Variants in FSIP1 observed in about 807,000 individuals in gnomAD.
FSIP1 encodes the protein fibrous sheath-interacting protein 1.
In FSIP1, 65 loss-of-function variants were observed where a neutral mutation model predicts 60.9. The ratio of observed to expected loss-of-function variants is 1.07; its 90% CI spans 0.87 to 1.31. The LOEUF (loss-of-function observed/expected upper bound fraction) is 1.31, where lower values mean the gene tolerates loss of function less well. Among genes scored for constraint, FSIP1 ranks in the 40% most tolerant of loss-of-function variants. The probability of loss-of-function intolerance (pLI) is 0.00; values close to 1 mark genes in which losing one functional copy is unlikely to be tolerated. For missense variants in FSIP1, 675 were observed against 665.5 expected, an observed-to-expected ratio of 1.01 and a Z score of -0.16; for synonymous variants, 209 against 221.2, an observed-to-expected ratio of 0.94 and a Z score of 0.49.
At chr15:39,740,348 G>A (rs1260171847) in intron 6 of FSIP1, among the ~76,000 whole-genome samples, 1 of 152,090 alleles carries the variant, frequency 6.6e-6, no homozygotes, top group African/African-American at 2.4e-5. Flanking sequence ...TCAACCTTTT[G>A]GAAGAGGCTT....
At chr15:39,658,251 A>ATTTTTTTTTTTTTTTTTT (rs71132110) in intron 10 of FSIP1, among the ~76,000 whole-genome samples, 1 of 105,290 alleles carries the variant, frequency 9.5e-6, no homozygotes, top group Non-Finnish European at 2.1e-5. Flanking sequence ...AGCAGACATG[A>ATTTTTTTTTTTTTTTTTT]TTTTTTTTTT....
intron 5 of FSIP1, among the ~76,000 whole-genome samples, chr15:39,758,749 G>A (rs1264897004): frequency 3.9e-5 from 6 of 151,998 alleles, no homozygotes; most frequent in Non-Finnish European, 8.8e-5. Context: ...AAATAGGTTT[G>A]AGAAAACCAT....
chr15:39,727,332 C>T (rs1204584454), intron 8 of FSIP1, among the ~76,000 whole-genome samples: 1 of 152,166 alleles, frequency 6.6e-6, no homozygotes, highest in Admixed American at 6.5e-5. Flanking sequence ...GTTCTGCCCT[C>T]GAGGAGTTCT....
rs190446938 is a variant in FSIP1, at chr15:39,757,775, A to T, written c.559+6046T>A. 7.0e-4 allele frequency among the ~76,000 whole-genome samples: 106 copies of T among 152,256 alleles called. 2 individuals carry two copies. Among genetic ancestry groups the T allele is most frequent in the African/African-American group, 2.5e-3 (103 of 41,558 alleles). On this transcript the variant is annotated intron_variant, in intron 5 of 11. Coordinates refer to ENST00000350221, the MANE Select transcript of FSIP1 (RefSeq NM_152597.5). The stretch of plus-strand genomic sequence containing the variant: ...ATAATGTTACCTCTTCATTTTGGTG[A>T]ACTGGTCAAGTGTGAACTAATTAAG...
intron 10 of FSIP1, among the ~76,000 whole-genome samples, chr15:39,632,718 G>A (rs1334129087): frequency 6.6e-6 from 1 of 152,090 alleles, no homozygotes; most frequent in East Asian, 1.9e-4. Flanking sequence ...GCTTGAACCA[G>A]GGAGTCAGAG....
In FSIP1 at chr15:39,762,143, C is replaced by T. The variant is rs557584343; in HGVS notation, c.559+1678G>A. On this transcript the variant is annotated intron_variant, in intron 5 of 11. Transcript: ENST00000350221. The stretch of plus-strand genomic sequence containing the variant: ...TGAAACTGTTGAACAGTCAGTGTAT[C>T]GGTTTCCTAGGGCTGCTATAACAAT... Among the ~76,000 whole-genome samples the T allele has an allele frequency of 3.3e-5, 5 of 152,280 alleles. No homozygotes were observed. In the East Asian group the frequency reaches 7.7e-4, roughly 24 times the overall value.
intron 3 of FSIP1, among the ~76,000 whole-genome samples, chr15:39,766,401 ATAGAG>A: frequency 6.6e-6 from 1 of 152,380 alleles, no homozygotes; most frequent in East Asian, 1.9e-4. Flanking sequence ...ACTAACATTT[ATAGAG>A]TTACCTGATA....
chr15:39,663,919 G>T (rs1488315167), intron 10 of FSIP1, among the ~76,000 whole-genome samples: 4 of 152,126 alleles, frequency 2.6e-5, no homozygotes, highest in African/African-American at 9.7e-5. Context: ...ACAAAGCATT[G>T]CTCCAAGGTA....
chr15:39,611,239 G>A (rs550498883), intron 11 of FSIP1, among the ~76,000 whole-genome samples: 59 of 152,104 alleles, frequency 3.9e-4, no homozygotes, highest in Non-Finnish European at 6.0e-4. Flanking sequence ...GGGGGAGGGC[G>A]TTAAAGTATT....
At chr15:39,696,560 A>T (rs150921582) in intron 10 of FSIP1, among the ~76,000 whole-genome samples, 1 of 152,308 alleles carries the variant, frequency 6.6e-6, no homozygotes, top group Non-Finnish European at 1.5e-5. Flanking sequence ...GGCAACACAC[A>T]GCCAAACTCT....
intron 3 of FSIP1, 77 bp downstream of exon 3, chr15:39,770,350 A>T (rs1897838254): frequency 2.7e-6 from 3 of 1,125,248 alleles, no homozygotes; most frequent in Non-Finnish European, 3.7e-6. Context: ...GGTAATACTA[A>T]CACCTTAAAT....
intron 10 of FSIP1, among the ~76,000 whole-genome samples, chr15:39,618,732 C>T (rs1272408406): frequency 6.6e-6 from 1 of 152,186 alleles, no homozygotes; most frequent in East Asian, 1.9e-4. Flanking sequence ...TTAATCTCTG[C>T]TTGTAAAGGT....
intron 5 of FSIP1, among the ~76,000 whole-genome samples, chr15:39,750,160 A>G (rs1239140277): frequency 6.6e-6 from 1 of 152,016 alleles, no homozygotes; most frequent in Non-Finnish European, 1.5e-5. Context: ...AAAGAGATTC[A>G]AGAGGACACA....
At position 39,601,103 on chromosome 15, in the gene FSIP1, TAGAA is replaced by T. The variant is rs149871498; in HGVS notation, c.1700-181_1700-178del. Among the ~76,000 whole-genome samples the T allele has an allele frequency of 9.3e-3, 1,423 of 152,246 alleles. 25 individuals are homozygous for T. The highest frequency in any genetic ancestry group is 0.033 in the African/African-American group (1,358 of 41,532). On this transcript the variant is annotated intron_variant, in intron 11 of 11. Transcript: ENST00000350221. ...CTGCAGACAAAGTTTACGAGAAAAA[TAGAA>T]AGATCAGGGCGCCTACTCTCATTGA... is the stretch of plus-strand genomic sequence containing the variant.
intron 10 of FSIP1, among the ~76,000 whole-genome samples, chr15:39,674,676 C>T (rs1239097048): frequency 2.0e-5 from 3 of 151,892 alleles, no homozygotes; most frequent in African/African-American, 4.8e-5. Context: ...TTACATTACA[C>T]AAAAATTAAC....
At chr15:39,744,400 T>C (rs1314963175) in intron 5 of FSIP1, among the ~76,000 whole-genome samples, 1 of 152,176 alleles carries the variant, frequency 6.6e-6, no homozygotes, top group Non-Finnish European at 1.5e-5. Flanking sequence ...AATTGCTTCC[T>C]GCCACCCATG....
At chr15:39,630,270 T>C (rs979316368) in intron 10 of FSIP1, among the ~76,000 whole-genome samples, 11 of 152,260 alleles carry the variant, frequency 7.2e-5, no homozygotes, top group Admixed American at 2.0e-4. Context: ...AGTTGTGCTA[T>C]GATCCAAATT....
In FSIP1 at chr15:39,721,629, T is replaced by C. The variant is rs575710308; in HGVS notation, c.1050+4960A>G. 3.3e-5 allele frequency among the ~76,000 whole-genome samples: 5 copies of C among 152,314 alleles called. No homozygotes were observed. In the East Asian group the frequency reaches 9.6e-4, roughly 29 times the overall value. On this transcript the variant is annotated intron_variant, in intron 9 of 11. Coordinates refer to ENST00000350221, the MANE Select transcript of FSIP1 (RefSeq NM_152597.5). ...AATAAGCAGGCATTCAAAAATGTAT[T>C]GACGATCTCTGCAAAGGCTGAACAA...
At chr15:39,637,508 G>A (rs1230784487) in intron 10 of FSIP1, among the ~76,000 whole-genome samples, 1 of 152,140 alleles carries the variant, frequency 6.6e-6, no homozygotes, top group Non-Finnish European at 1.5e-5. Context: ...GAGACAGGAT[G>A]CGACTACTGG....
Sources: allele counts gnomAD v4.1 joint callset (sites outside exome capture counted in the v4.1 genomes callset), GRCh38; gene constraint gnomAD v4.1.1; transcripts MANE v1.5; gene names NCBI Gene and HGNC (gene_info 2026-07-23, HGNC 2026-07-21).